The following PAMR1 variants were observed in gnomAD, a reference collection of about 807,000 sequenced individuals.
The protein encoded by PAMR1 is peptidase domain containing associated with muscle regeneration 1.
PAMR1 carries 88 observed loss-of-function variants against 81.8 expected under a neutral mutation model. The ratio of observed to expected loss-of-function variants is 1.08; its 90% CI spans 0.91 to 1.28. The LOEUF is 1.28. PAMR1 is among the 50% of genes most tolerant of loss of function. PAMR1 has a pLI of 0.00. For missense variants in PAMR1, 935 were observed against 919.7 expected, an observed-to-expected ratio of 1.02 and a Z score of -0.21; for synonymous variants, 336 against 345.3, an observed-to-expected ratio of 0.97 and a Z score of 0.30.
chr11:35,492,166 G>A lies in PAMR1; in HGVS notation c.258C>T (p.Thr86=). Residue 86 remains threonine, a synonymous_variant, in exon 3 of 11, where the codon ACC becomes ACT. Coordinates refer to ENST00000619888, the MANE Select transcript of PAMR1 (RefSeq NM_001001991.3). ...CDSCLIHPGC[T]IFENCKSCRN... The stretch of plus-strand genomic sequence containing the variant: ...GGCAGCTCTTGCAGTTTTCAAAGAT[G>A]GTACAACCTGAAACATTCCCAAGAA... 6.2e-7 allele frequency: 1 copy of A among 1,614,078 alleles called. No individual in the cohort carries two copies. The highest frequency in any genetic ancestry group is 8.5e-7 in the Non-Finnish European group (1 of 1,179,990).
chr11:35,463,168 C>G (rs188236605), intron 6 of PAMR1, among the ~76,000 whole-genome samples: 2 of 152,302 alleles, frequency 1.3e-5, no homozygotes, highest in East Asian at 3.9e-4. Context: ...ATGAGAAGCG[C>G]GGGTCTCCCC....
At chr11:35,504,012 T>A (rs1850903497) in intron 1 of PAMR1, among the ~76,000 whole-genome samples, 1 of 152,162 alleles carries the variant, frequency 6.6e-6, no homozygotes, top group Non-Finnish European at 1.5e-5. Context: ...TGTTGGTTTG[T>A]CACATATGGC....
At chr11:35,451,800 T>A in intron 6 of PAMR1, 2 of 609,140 alleles carry the variant, frequency 3.3e-6, no homozygotes, top group Non-Finnish European at 3.0e-6. Context: ...ATTAGTGACT[T>A]TGTAAAAAAG....
At chr11:35,526,811 A>T (rs988066922), upstream of PAMR1, among the ~76,000 whole-genome samples, 1 of 152,028 alleles carries the variant, frequency 6.6e-6, no homozygotes, top group African/African-American at 2.4e-5. Flanking sequence ...GTTCCCATAA[A>T]CCCCACGTGT....
Position 35,451,611 on chromosome 11 carries a change from C to T in PAMR1, c.821-9918G>A, listed in dbSNP as rs377266936. The stretch of plus-strand genomic sequence containing the variant: ...TTTTAAGTTATTGCTTACGGAATGT[C>T]ATCAGGATAGAGCCAAGTGATGCTT... On this transcript the variant is annotated intron_variant, in intron 6 of 10. Transcript: ENST00000619888. 3.3e-4 allele frequency among the ~76,000 whole-genome samples: 50 copies of T among 152,268 alleles called. 1 individual carries two copies. In the South Asian group the frequency reaches 0.01, roughly 32 times the overall value.
chr11:35,465,855 G>A (rs2135372963), intron 6 of PAMR1, among the ~76,000 whole-genome samples: 1 of 152,308 alleles, frequency 6.6e-6, no homozygotes, highest in South Asian at 2.1e-4. Flanking sequence ...ATTAAGTTAT[G>A]AATCAGTTCA....
At chr11:35,486,440 G>T (rs898544620) in intron 3 of PAMR1, among the ~76,000 whole-genome samples, 2 of 152,194 alleles carry the variant, frequency 1.3e-5, no homozygotes, top group Non-Finnish European at 2.9e-5. Flanking sequence ...GCTTATCATT[G>T]TACATCCAGC....
At chr11:35,487,774 G>T (rs1283892962) in intron 3 of PAMR1, among the ~76,000 whole-genome samples, 1 of 152,188 alleles carries the variant, frequency 6.6e-6, no homozygotes. Flanking sequence ...CAAGAGTAAG[G>T]GGTCTGGAAT....
intron 6 of PAMR1, among the ~76,000 whole-genome samples, chr11:35,454,222 G>A (rs552459466): frequency 4.4e-4 from 67 of 152,276 alleles, no homozygotes; most frequent in Admixed American, 1.6e-3. Context: ...GCTGAGAACC[G>A]GCACTTACAA....
intron 6 of PAMR1, among the ~76,000 whole-genome samples, chr11:35,460,336 T>C (rs1477313286): frequency 1.3e-5 from 2 of 152,106 alleles, no homozygotes; most frequent in Non-Finnish European, 1.5e-5. Flanking sequence ...TATATACTTT[T>C]TTTCTATACT....
intron 1 of PAMR1, chr11:35,513,339 A>G (rs1851107001): frequency 6.6e-6 from 1 of 152,226 alleles, no homozygotes; most frequent in Non-Finnish European, 1.5e-5. Flanking sequence ...TATAGATGAG[A>G]AAACTGAGGT....
chr11:35,470,668 G>T lies in PAMR1; in HGVS notation c.645C>A (p.His215Gln), dbSNP rs368356300. 1 of 1,614,198 alleles carries T rather than the reference G, an allele frequency of 6.2e-7. No homozygotes were observed. Among genetic ancestry groups the T allele is most frequent in the South Asian group, 1.1e-5 (1 of 91,082 alleles). Residue 215 changes from histidine to glutamine, a missense_variant, in exon 5 of 11, where the codon CAC becomes CAA. By Grantham distance (24) the His-to-Gln change is conservative. Transcript: ENST00000619888. ...APIQSIGSSL[H>Q]VLFHSDGSKN... ...TGGAGCCATCGGAGTGGAAGAGGACGTGGAGTGAGGATCCTATGCTCTGGA... is the reference window on the plus strand; with the variant it reads ...TGGAGCCATCGGAGTGGAAGAGGACTTGGAGTGAGGATCCTATGCTCTGGA...
intron 6 of PAMR1, among the ~76,000 whole-genome samples, 156 bp from the exon 7 acceptor site, chr11:35,441,849 G>A (rs1856177856): frequency 6.6e-6 from 1 of 152,102 alleles, no homozygotes; most frequent in Non-Finnish European, 1.5e-5. Flanking sequence ...GAAAATTCAT[G>A]TACTAGACAT....
At chr11:35,515,634 C>T (rs1218800818) in intron 1 of PAMR1, among the ~76,000 whole-genome samples, 1 of 152,182 alleles carries the variant, frequency 6.6e-6, no homozygotes, top group African/African-American at 2.4e-5. Context: ...GGTGGAGCAT[C>T]ATTAGCCCAG....
intron 1 of PAMR1, among the ~76,000 whole-genome samples, chr11:35,519,096 G>C (rs1209200273): frequency 2.0e-5 from 3 of 152,186 alleles, no homozygotes; most frequent in Non-Finnish European, 4.4e-5. Flanking sequence ...TCCAACACCA[G>C]AGAGAGAAGA....
At position 35,492,176 on chromosome 11, in the gene PAMR1, G is replaced by A; in HGVS notation, c.251-3C>T. 6.2e-7 allele frequency: 1 copy of A among 1,614,022 alleles called. No individual in the cohort carries two copies. Among genetic ancestry groups the A allele is most frequent in the Non-Finnish European group, 8.5e-7 (1 of 1,179,944 alleles). ...GCAGTTTTCAAAGATGGTACAACCT[G>A]AAACATTCCCAAGAAGAGGAGTGTT... is the stretch of plus-strand genomic sequence containing the variant. On this transcript the variant is annotated splice_region_variant and splice_polypyrimidine_tract_variant and intron_variant, in intron 2 of 10. Transcript: ENST00000619888.
rs1856078896 is a variant in PAMR1, at chr11:35,437,590, G to A, written c.1101-1455C>T. 3.3e-5 allele frequency among the ~76,000 whole-genome samples: 5 copies of A among 152,344 alleles called. No individual in the cohort carries two copies. The South Asian group carries it at 1.0e-3, about 32-fold the overall frequency. The stretch of plus-strand genomic sequence containing the variant: ...GTCGTTGGGGGCTTCTGGATGAGGA[G>A]GTGGCTGCTGGAGATAGGGATACCC... On this transcript the variant is annotated intron_variant, in intron 8 of 10. Transcript: ENST00000619888.
In PAMR1 at chr11:35,434,818, A is replaced by G; in HGVS notation, c.1334-14T>C. 6.2e-7 allele frequency: 1 copy of G among 1,609,308 alleles called. No individual in the cohort carries two copies. The highest frequency in any genetic ancestry group is 8.5e-7 in the Non-Finnish European group (1 of 1,176,210). On this transcript the variant is annotated splice_polypyrimidine_tract_variant and intron_variant, in intron 9 of 10. Transcript: ENST00000619888. ...TTTTCCCGCAGACTATGGAGAAAGT[A>G]CCAGCTTAGTAAGATAAACTCAGAC...
chr11:35,478,555 G>GCTA (rs942749945), intron 3 of PAMR1, among the ~76,000 whole-genome samples: 1 of 62 alleles, frequency 0.016, no homozygotes, highest in African/African-American at 0.1. Context: ...GGAGGAGGGA[G>GCTA]CGCTCCCTCC....
Sources: gnomAD v4.1 joint callset for allele counts (sites outside exome capture counted in the v4.1 genomes callset) on GRCh38, gnomAD v4.1.1 for gene constraint, MANE v1.5 for transcripts, NCBI Gene and HGNC (gene_info 2026-07-23, HGNC 2026-07-21) for gene names.